Variants in SDK2 observed in about 807,000 individuals in gnomAD.
SDK2 encodes the protein sidekick cell adhesion molecule 2, also known as protein sidekick-2.
Under a neutral mutation model 253.9 loss-of-function variants are expected in SDK2, and 105 were observed. That is an observed-to-expected ratio of 0.41 (90% confidence interval 0.35 to 0.49). SDK2 has a LOEUF of 0.49. Among genes scored for constraint, SDK2 ranks in the 20% least tolerant of loss-of-function variants. SDK2 has a pLI of 0.06. For synonymous variants in SDK2, 1,249 were observed against 1,234.9 expected, an observed-to-expected ratio of 1.01 and a Z score of -0.24; for missense variants, 2,608 against 3,003.0, an observed-to-expected ratio of 0.87 and a Z score of 3.07.
chr17:73,479,689 A>G (rs1018443219), intron 2 of SDK2, among the ~76,000 whole-genome samples: 1 of 152,034 alleles, frequency 6.6e-6, no homozygotes, highest in Admixed American at 6.6e-5. Context: ...TTTAAGTCTT[A>G]TTTTTATTTA....
At chr17:73,371,519 C>T (rs1201812456) in intron 36 of SDK2, among the ~76,000 whole-genome samples, 1 of 152,098 alleles carries the variant, frequency 6.6e-6, no homozygotes, top group Non-Finnish European at 1.5e-5. Flanking sequence ...GCAGGAAGAG[C>T]TTCGGTGGGG....
At chr17:73,438,981 A>G (rs988263050) in intron 6 of SDK2, among the ~76,000 whole-genome samples, 1 of 152,140 alleles carries the variant, frequency 6.6e-6, no homozygotes, top group African/African-American at 2.4e-5. Context: ...GCACAGTTGC[A>G]CCCTGGTGGC....
rs1483971217 is a variant in SDK2 at position 73,391,558 on chromosome 17, G to A, written c.3899-20C>T. On this transcript the variant is annotated intron_variant, in intron 27 of 44. Coordinates refer to ENST00000392650, the MANE Select transcript of SDK2 (RefSeq NM_001144952.2). ...CTGGGACTGGAGGGGGCAAAGGAGA[G>A]GAGGCCGACCCATGAGGCTGCCGCT... The A allele has an allele frequency of 2.2e-5, 28 of 1,247,860 alleles. No homozygotes were observed. The highest frequency in any genetic ancestry group is 2.8e-5 in the Non-Finnish European group (27 of 977,666). 77.3% of individuals were successfully genotyped at this position (1,247,860 alleles called of 1,614,324 possible). A position where few individuals can be genotyped will look rare whatever the true frequency, so the allele number is the denominator to read the frequency against.
chr17:73,368,869 G>A (rs551885179), intron 36 of SDK2, among the ~76,000 whole-genome samples: 7 of 152,224 alleles, frequency 4.6e-5, no homozygotes, highest in South Asian at 2.1e-4. Flanking sequence ...AAAATCAGCC[G>A]GGCATGGTGG....
chr17:73,583,445 C>T (rs914911702), intron 1 of SDK2, among the ~76,000 whole-genome samples: 5 of 152,170 alleles, frequency 3.3e-5, no homozygotes, highest in Admixed American at 6.5e-5. Flanking sequence ...CCCTGCATCT[C>T]GTGATGCATC....
At chr17:73,401,858 G>C in intron 19 of SDK2, 88 bp downstream of exon 19, 2 of 1,395,332 alleles carry the variant, frequency 1.4e-6, no homozygotes, top group South Asian at 2.6e-5. Context: ...CAGCCTGGGA[G>C]ACAAGCCTGG....
In SDK2 at chr17:73,643,619, C is replaced by A. The variant is rs997805194; in HGVS notation, c.64+406G>T. Among the ~76,000 whole-genome samples, 10 of 152,268 alleles carry A rather than the reference C, an allele frequency of 6.6e-5. No homozygotes were observed. Among genetic ancestry groups the A allele is most frequent in the African/African-American group, 2.4e-4 (10 of 41,582 alleles). ...TGCCCGGCAGGGGCCCTGCCCTTCC[C>A]CGCAGACACCGAGCAGGGAACCAGG... On this transcript the variant is annotated intron_variant, in intron 1 of 44. Coordinates refer to ENST00000392650, the MANE Select transcript of SDK2 (RefSeq NM_001144952.2). The surrounding 1 kb of genome is among the most constrained non-coding windows in gnomAD (Gnocchi z 6.9).
At chr17:73,422,204 C>T in intron 15 of SDK2, 83 bp downstream of exon 15, 1 of 1,513,424 alleles carries the variant, frequency 6.6e-7, no homozygotes, top group Non-Finnish European at 9.0e-7. Context: ...GGAGCTGAGC[C>T]AGAATCTGCC....
chr17:73,583,522 G>T (rs998061464), intron 1 of SDK2, among the ~76,000 whole-genome samples: 1 of 152,136 alleles, frequency 6.6e-6, no homozygotes, highest in African/African-American at 2.4e-5. Flanking sequence ...CTCAACAACC[G>T]CCTCTCACCC....
chr17:73,559,776 T>G (rs949137372), intron 1 of SDK2, among the ~76,000 whole-genome samples: 2 of 152,160 alleles, frequency 1.3e-5, no homozygotes, highest in Non-Finnish European at 2.9e-5. Flanking sequence ...GTGCCCCTAA[T>G]GCCTGTGCTC....
Position 73,383,805 on chromosome 17 carries a change from G to A in SDK2, c.4705+71C>T, listed in dbSNP as rs1014533936. The A allele has an allele frequency of 1.4e-5, 22 of 1,585,476 alleles. No individual in the cohort carries two copies. The highest frequency in any genetic ancestry group is 1.7e-5 in the Non-Finnish European group (20 of 1,158,836). ...TTAGAGTGGTTCCAGGAAGCTGAGA[G>A]CTCCAGAGCGGGAAGGTGAGGGTGA... On this transcript the variant is annotated intron_variant, in intron 33 of 44. Transcript: ENST00000392650. This position sits in a 1 kb window ranked among gnomAD's most constrained non-coding sequence, Gnocchi z 4.3.
intron 1 of SDK2, among the ~76,000 whole-genome samples, chr17:73,561,225 A>T (rs1208980291): frequency 6.6e-6 from 1 of 152,076 alleles, no homozygotes; most frequent in South Asian, 2.1e-4. Context: ...TGTGAAAGGG[A>T]GACAATTACG....
chr17:73,401,775 AC>A (rs140071991), intron 19 of SDK2, 23 bp from the exon 20 acceptor site: 3 of 1,550,598 alleles, frequency 1.9e-6, no homozygotes, highest in Non-Finnish European at 8.7e-7. Flanking sequence ...AGGAACCCCC[AC>A]CCCCCAAGGC....
At chr17:73,600,674 G>T (rs1037085187) in intron 1 of SDK2, among the ~76,000 whole-genome samples, 1 of 152,280 alleles carries the variant, frequency 6.6e-6, no homozygotes, top group Middle Eastern at 3.4e-3. Flanking sequence ...CAGTCGATGC[G>T]GACAACTTGA....
intron 1 of SDK2, chr17:73,520,879 T>C (rs561647386): frequency 1.3e-5 from 2 of 152,322 alleles, no homozygotes; most frequent in South Asian, 2.1e-4. Flanking sequence ...GGGGCTCAGA[T>C]TGGTGACTGG....
intron 30 of SDK2, 126 bp from the exon 31 acceptor site, chr17:73,386,674 C>T (rs1180107729): frequency 1.5e-6 from 1 of 660,980 alleles, no homozygotes; most frequent in Admixed American, 2.3e-5. Flanking sequence ...GCCTACTACA[C>T]AGAAGGGCAC....
chr17:73,340,884 C>T (rs1412048015), intron 44 of SDK2, among the ~76,000 whole-genome samples: 3 of 151,686 alleles, frequency 2.0e-5, no homozygotes, highest in African/African-American at 7.3e-5. Flanking sequence ...GCTGGGATTA[C>T]AGGCATGTGC....
intron 10 of SDK2, 91 bp downstream of exon 10, chr17:73,433,641 G>A (rs1412697068): frequency 1.0e-6 from 1 of 973,086 alleles, no homozygotes; most frequent in African/African-American, 1.6e-5. Context: ...GTGTACGTGG[G>A]GAACCCAACC....
At chr17:73,478,820 A>G (rs568133032) in intron 2 of SDK2, among the ~76,000 whole-genome samples, 2 of 152,346 alleles carry the variant, frequency 1.3e-5, no homozygotes, top group South Asian at 2.1e-4. Flanking sequence ...GACACCAGAA[A>G]TAATAGGCAC....
Sources: allele counts gnomAD v4.1 joint callset (sites outside exome capture counted in the v4.1 genomes callset), GRCh38; gene constraint gnomAD v4.1.1; non-coding constraint Gnocchi (gnomAD v3.1); transcripts MANE v1.5; gene names NCBI Gene and HGNC (gene_info 2026-07-23, HGNC 2026-07-21).